The following LSR variants were observed in gnomAD, a reference collection of about 807,000 sequenced individuals.
LSR encodes lipolysis stimulated lipoprotein receptor.
In LSR, 44 loss-of-function variants were observed where a neutral mutation model predicts 61.8. That is an observed-to-expected ratio of 0.71 (90% CI 0.56 to 0.91). The LOEUF is 0.91. LSR is among the 40% of genes least tolerant of loss of function. The pLI is 0.00. For missense variants in LSR, 911 were observed against 830.5 expected (o/e 1.10, Z -1.19); for synonymous variants, 397 against 350.6 (o/e 1.13, Z -1.48).
rs765942055 is a variant in LSR, at chr19:35,250,489, C to A, written c.284C>A (p.Ala95Asp). 2 of 1,614,070 alleles carry A rather than the reference C, an allele frequency of 1.2e-6. No individual in the cohort carries two copies. The highest frequency in any genetic ancestry group is 1.7e-6 in the Non-Finnish European group (2 of 1,179,968). The change falls in exon 2 of 10, where the codon GCC becomes GAC. Residue 95 changes from alanine to aspartate, a missense_variant. Physicochemically the swap from Ala to Asp is moderately radical, Grantham distance 126 (BLOSUM62 -2). Coordinates refer to ENST00000605618, the MANE Select transcript of LSR (RefSeq NM_205834.4). Reference protein sequence around the residue: ...RDRIADAFSPASVDNQLNAQL... With the variant: ...RDRIADAFSPDSVDNQLNAQL... The stretch of plus-strand genomic sequence containing the variant: ...CGCATCGCCGATGCCTTCTCCCCGG[C>A]CAGCGTCGACAACCAGCTCAATGCC...
intron 5 of LSR, among the ~76,000 whole-genome samples, chr19:35,265,523 C>G (rs1461732876): frequency 6.6e-6 from 1 of 152,190 alleles, no homozygotes; most frequent in African/African-American, 2.4e-5. Context: ...CAAACCAAAT[C>G]AGAGGTGAGG....
intron 3 of LSR, 146 bp downstream of exon 3, chr19:35,259,210 AC>A: frequency 9.4e-7 from 1 of 1,058,772 alleles, no homozygotes; most frequent in Non-Finnish European, 1.3e-6. Context: ...TCTGCCAGTC[AC>A]TTAGGCTCCC....
intron 2 of LSR, among the ~76,000 whole-genome samples, chr19:35,254,755 A>C (rs751936350): frequency 1.4e-4 from 21 of 152,214 alleles, no homozygotes; most frequent in Non-Finnish European, 2.5e-4. Flanking sequence ...CTCAGCCCGG[A>C]TGAGATCACG....
intron 5 of LSR, among the ~76,000 whole-genome samples, chr19:35,265,860 A>AAC (rs938460614): frequency 2.4e-4 from 37 of 152,218 alleles, no homozygotes; most frequent in Non-Finnish European, 1.5e-5. Context: ...TTTTTTCTAG[A>AAC]ACAGGGGCTT....
At chr19:35,253,041 T>C (rs1199161702) in intron 2 of LSR, among the ~76,000 whole-genome samples, 1 of 150,496 alleles carries the variant, frequency 6.6e-6, no homozygotes, top group African/African-American at 2.5e-5. Flanking sequence ...GAAAATAGGC[T>C]GGGCGCAGTG....
At chr19:35,262,070 C>T in intron 4 of LSR, 89 bp downstream of exon 4, 1 of 1,221,784 alleles carries the variant, frequency 8.2e-7, no homozygotes, top group Non-Finnish European at 1.1e-6. Context: ...CCCTTCCCCA[C>T]TAAACCCTGC....
At chr19:35,265,576 G>T (rs1045144026) in intron 5 of LSR, among the ~76,000 whole-genome samples, 2 of 152,164 alleles carry the variant, frequency 1.3e-5, no homozygotes, top group Admixed American at 1.3e-4. Context: ...TTCCTGTTGG[G>T]GTCCCAGGGA....
chr19:35,258,463 A>C (rs1018133098), intron 2 of LSR, among the ~76,000 whole-genome samples: 17 of 151,950 alleles, frequency 1.1e-4, no homozygotes, highest in South Asian at 2.1e-4. Context: ...AACAAAAAAA[A>C]AAAAAAGCTG....
chr19:35,254,769 A>G (rs998966097), intron 2 of LSR, among the ~76,000 whole-genome samples: 1 of 152,246 alleles, frequency 6.6e-6, no homozygotes, highest in East Asian at 1.9e-4. Context: ...GATCACGGCC[A>G]GCCCAAGACC....
Position 35,267,637 on chromosome 19 carries a change from C to A in LSR, c.1673C>A (p.Pro558His). 2 of 1,611,812 alleles carry A rather than the reference C, an allele frequency of 1.2e-6. No individual in the cohort carries two copies. The change falls in exon 9 of 10, where the codon CCC becomes CAC. Residue 558 changes from proline (P) to histidine (H), a missense_variant. Physicochemically the swap from Pro to His is moderately conservative, Grantham distance 77. Transcript: ENST00000605618. ...AAGGGGTCGGAGGAGAGGAGGAGACCCCACAAGGAGGAGGAGGAAGAGGCC... is the reference window on the plus strand; with the variant it reads ...AAGGGGTCGGAGGAGAGGAGGAGACACCACAAGGAGGAGGAGGAAGAGGCC... ...RKKGSEERRRPHKEEEEEAYY... is the reference protein window; with the variant it reads ...RKKGSEERRRHHKEEEEEAYY...
rs533531362 is a variant in LSR at position 35,254,611 on chromosome 19, C to A, written c.454+3952C>A. 5.3e-4 allele frequency among the ~76,000 whole-genome samples: 81 copies of A among 152,272 alleles called. No homozygotes were observed. The Middle Eastern group carries it at 0.01, about 19-fold the overall frequency. ...GCACTGCAGCAGAGAGCCCATGGGACCTCTGAAATCATGAAGGTCACCTTT... is the reference window on the plus strand; with the variant it reads ...GCACTGCAGCAGAGAGCCCATGGGAACTCTGAAATCATGAAGGTCACCTTT... On this transcript the variant is annotated intron_variant, in intron 2 of 9. Transcript: ENST00000605618.
intron 3 of LSR, among the ~76,000 whole-genome samples, chr19:35,260,554 A>G (rs983386204): frequency 1.3e-5 from 2 of 151,980 alleles, no homozygotes; most frequent in Non-Finnish European, 2.9e-5. Flanking sequence ...GGGCCTCCCA[A>G]AGTGCTGGGA....
chr19:35,260,776 G>A (rs2519961), intron 3 of LSR, among the ~76,000 whole-genome samples: 72,579 of 151,554 alleles, frequency 0.48, 17,984 homozygotes, highest in Middle Eastern at 0.57. Flanking sequence ...GCAGTGAGCC[G>A]TGACTATGCT....
intron 3 of LSR, among the ~76,000 whole-genome samples, chr19:35,259,903 C>T (rs920558353): frequency 2.0e-5 from 3 of 152,230 alleles, no homozygotes; most frequent in Admixed American, 6.5e-5. Flanking sequence ...GGGAGGCCTC[C>T]TTGTGTTAGG....
intron 4 of LSR, 125 bp downstream of exon 4, chr19:35,262,106 G>A: frequency 1.1e-6 from 1 of 906,804 alleles, no homozygotes; most frequent in Non-Finnish European, 1.7e-6. Flanking sequence ...CACTAACCTG[G>A]CCTGACTGTG....
At chr19:35,252,345 G>A (rs1367488876) in intron 2 of LSR, among the ~76,000 whole-genome samples, 2 of 151,988 alleles carry the variant, frequency 1.3e-5, no homozygotes, top group Admixed American at 6.6e-5. Context: ...AGCAGATAAA[G>A]AAAGAGTATG....
Position 35,267,128 on chromosome 19 carries a change from C to T in LSR, c.1164C>T (p.Ser388=), listed in dbSNP as rs1367236161. The change falls in exon 9 of 10, where the codon TCC becomes TCT. Residue 388 remains serine (S), a synonymous_variant. Transcript: ENST00000605618. ...CTGCAGCCATGAGTGAAGTCACCTCCCTCCACGAGGACGACTGGCGATCTC... is the reference window on the plus strand; with the variant it reads ...CTGCAGCCATGAGTGAAGTCACCTCTCTCCACGAGGACGACTGGCGATCTC... ...RVERAMSEVT[S]LHEDDWRSRP... 2.0e-6 allele frequency: 3 copies of T among 1,529,272 alleles called. No individual in the cohort carries two copies. The highest frequency in any genetic ancestry group is 1.4e-5 in the African/African-American group (1 of 71,936). The allele number at this position is 1,529,272 out of a possible 1,614,324, so 94.7% of individuals were successfully genotyped here.
Position 35,250,410 on chromosome 19 carries a change from T to A in LSR, c.205T>A (p.Ser69Thr). 1 of 1,613,668 alleles carries A rather than the reference T, an allele frequency of 6.2e-7. No individual in the cohort carries two copies. The highest frequency in any genetic ancestry group is 8.5e-7 in the Non-Finnish European group (1 of 1,179,838). ...VTLPCTYQMT[S>T]TPTQPIVIWK... is the part of the protein sequence containing the mutation. ...CCTGCCCTGTACCTACCAGATGACC[T>A]CGACCCCCACGCAACCCATCGTCAT... The change falls in exon 2 of 10, where the codon TCG becomes ACG. Residue 69 changes from serine (S) to threonine (T), a missense_variant. Coordinates refer to ENST00000605618, the MANE Select transcript of LSR (RefSeq NM_205834.4).
intron 5 of LSR, 41 bp downstream of exon 5, chr19:35,262,733 C>G (rs1307313043): frequency 6.3e-7 from 1 of 1,599,762 alleles, no homozygotes; most frequent in Non-Finnish European, 8.5e-7. Flanking sequence ...TGGGCAACAT[C>G]CTGCATCCAA....
Sources: allele counts gnomAD v4.1 joint callset (sites outside exome capture counted in the v4.1 genomes callset), GRCh38; gene constraint gnomAD v4.1.1; transcripts MANE v1.5; gene names NCBI Gene and HGNC (gene_info 2026-07-23, HGNC 2026-07-21).